The following MFSD1 variants were observed in gnomAD, a reference collection of about 807,000 sequenced individuals.
MFSD1 encodes the protein major facilitator superfamily domain containing 1, also known as lysosomal dipeptide transporter MFSD1.
Under a neutral mutation model 67.1 loss-of-function variants are expected in MFSD1, and 59 were observed. The ratio of observed to expected loss-of-function variants is 0.88; its 90% CI spans 0.71 to 1.09. The LOEUF is 1.09. MFSD1 is among the 50% of genes least tolerant of loss of function. The pLI is 0.00. For synonymous variants in MFSD1, 213 were observed against 200.3 expected (o/e 1.06, Z -0.54); for missense variants, 552 against 566.1 (o/e 0.97, Z 0.25).
intron 1 of MFSD1, among the ~76,000 whole-genome samples, chr3:158,803,295 G>T (rs1255566041): frequency 6.6e-6 from 1 of 152,048 alleles, no homozygotes; most frequent in East Asian, 1.9e-4. Context: ...CTATTCTAGC[G>T]CTGAACATAT....
chr3:158,811,687 G>T (rs114707848), intron 6 of MFSD1, among the ~76,000 whole-genome samples: 1 of 152,206 alleles, frequency 6.6e-6, no homozygotes, highest in Non-Finnish European at 1.5e-5. Flanking sequence ...TGTCAACTGC[G>T]TGAAATGCTA....
In MFSD1 at chr3:158,829,082, T is replaced by C; in HGVS notation, c.*100T>C. The stretch of plus-strand genomic sequence containing the variant: ...AGAGTTTAGTCATTAGAAAAAATAA[T>C]GGACTGGAAAGTTATATTTATATCC... On this transcript the variant is annotated 3_prime_UTR_variant, in exon 16 of 16. Coordinates refer to ENST00000415822, the MANE Select transcript of MFSD1 (RefSeq NM_022736.4). The C allele has an allele frequency of 8.6e-7, 1 of 1,163,756 alleles. No individual in the cohort carries two copies. Among genetic ancestry groups the C allele is most frequent in the East Asian group, 2.5e-5 (1 of 40,148 alleles). 72.1% of individuals were successfully genotyped at this position (1,163,756 alleles called of 1,614,324 possible).
In MFSD1 at chr3:158,802,494, A is replaced by G. The variant is rs1016967355; in HGVS notation, c.163+179A>G. 6 of 804,444 alleles carry G rather than the reference A, an allele frequency of 7.5e-6. No individual in the cohort carries two copies. In the Admixed American group the frequency reaches 1.2e-4, roughly 16 times the overall value. 49.8% of individuals were successfully genotyped at this position (804,444 alleles called of 1,614,324 possible). ...TCCAGCCACACCTGTGGATGTTGCTAGTTACTCCGCGTCCGGAACGTGGAG... is the reference window on the plus strand; with the variant it reads ...TCCAGCCACACCTGTGGATGTTGCTGGTTACTCCGCGTCCGGAACGTGGAG... On this transcript the variant is annotated intron_variant, in intron 1 of 15. Transcript: ENST00000415822.
At chr3:158,812,730 C>T (rs1730096878) in intron 6 of MFSD1, among the ~76,000 whole-genome samples, 1 of 152,174 alleles carries the variant, frequency 6.6e-6, no homozygotes, top group Non-Finnish European at 1.5e-5. Flanking sequence ...CACTTCTATA[C>T]TCAAACCCCA....
intron 7 of MFSD1, among the ~76,000 whole-genome samples, chr3:158,818,592 T>TAC (rs1730503054): frequency 6.6e-6 from 1 of 151,958 alleles, no homozygotes; most frequent in Non-Finnish European, 1.5e-5. Context: ...TATATATATA[T>TAC]TTTATTCCAC....
At chr3:158,826,952 CTG>C (rs1158706576) in intron 14 of MFSD1, among the ~76,000 whole-genome samples, 1 of 152,122 alleles carries the variant, frequency 6.6e-6, no homozygotes, top group African/African-American at 2.4e-5. Flanking sequence ...GCTACCACAC[CTG>C]TTCATTTCCT....
At chr3:158,805,939 G>T (rs115412020) in intron 3 of MFSD1, among the ~76,000 whole-genome samples, 2,037 of 152,288 alleles carry the variant, frequency 0.013, 27 homozygotes, top group Non-Finnish European at 0.02. Flanking sequence ...GCCCCGGTGA[G>T]ATTTTCTATT....
intron 7 of MFSD1, among the ~76,000 whole-genome samples, chr3:158,815,640 T>A (rs1180956764): frequency 6.6e-6 from 1 of 151,952 alleles, no homozygotes; most frequent in African/African-American, 2.4e-5. Context: ...AGTAGACTTT[T>A]TTTTTTCTTT....
chr3:158,803,907 C>T (rs1243816634), intron 1 of MFSD1, among the ~76,000 whole-genome samples: 3 of 152,120 alleles, frequency 2.0e-5, no homozygotes, highest in Non-Finnish European at 4.4e-5. Context: ...GGTTACACTC[C>T]ATTCCTTTGT....
rs771407711 is a variant in MFSD1 at position 158,819,631 on chromosome 3, T to C, written c.653-18T>C. 440 of 290,322 alleles carry C rather than the reference T, an allele frequency of 1.5e-3. 3 individuals are homozygous for C. The highest frequency in any genetic ancestry group is 0.012 in the South Asian group (221 of 18,812). The allele number at this position is 290,322 out of a possible 1,614,324, so 18.0% of individuals were successfully genotyped here. A position where few individuals can be genotyped will look rare whatever the true frequency, so the allele number is the denominator to read the frequency against. The stretch of plus-strand genomic sequence containing the variant: ...TCTTTTCAAAGTCTGTTTTTCTTTT[T>C]TTTTTTTTTTTATTTAGGGGGTATA... On this transcript the variant is annotated intron_variant, in intron 7 of 15. Coordinates refer to ENST00000415822, the MANE Select transcript of MFSD1 (RefSeq NM_022736.4).
chr3:158,811,831 A>G (rs1730039942), intron 6 of MFSD1, among the ~76,000 whole-genome samples: 1 of 152,270 alleles, frequency 6.6e-6, no homozygotes, highest in Non-Finnish European at 1.5e-5. Flanking sequence ...CAAATAAGCA[A>G]CAAGGTAAAC....
intron 7 of MFSD1, among the ~76,000 whole-genome samples, chr3:158,818,578 AAT>A (rs139053295): frequency 0.017 from 2,626 of 151,732 alleles, 60 homozygotes; most frequent in African/African-American, 0.06. Context: ...AGGTTTTTAA[AAT>A]ATATATATAT....
chr3:158,807,551 G>A (rs1729791698), intron 5 of MFSD1, 88 bp downstream of exon 5: 8 of 1,050,442 alleles, frequency 7.6e-6, no homozygotes, highest in Non-Finnish European at 1.2e-5. Context: ...TGTCTCTTCT[G>A]GGGAATTACT....
chr3:158,827,972 G>GACAGACAGAC (rs1227280697), intron 15 of MFSD1, among the ~76,000 whole-genome samples: 5 of 136,340 alleles, frequency 3.7e-5, no homozygotes, highest in Non-Finnish European at 7.9e-5. Flanking sequence ...GAGAGAGAGA[G>GACAGACAGAC]AGAGAGACAG....
chr3:158,805,857 A>G (rs1487107380), intron 3 of MFSD1, among the ~76,000 whole-genome samples: 1 of 152,172 alleles, frequency 6.6e-6, no homozygotes, highest in African/African-American at 2.4e-5. Context: ...CCTACCTTGC[A>G]AGGTGGTTAT....
At chr3:158,822,212 A>G (rs1329967441) in intron 11 of MFSD1, 72 bp downstream of exon 11, 2 of 1,456,368 alleles carry the variant, frequency 1.4e-6, no homozygotes, top group African/African-American at 1.4e-5. Context: ...CTAAGTAGGC[A>G]CGCTCAGCAA....
intron 7 of MFSD1, among the ~76,000 whole-genome samples, chr3:158,818,334 C>G (rs10936162): frequency 6.6e-6 from 1 of 151,964 alleles, no homozygotes; most frequent in African/African-American, 2.4e-5. Flanking sequence ...TCACCTCATG[C>G]GTCTATCACT....
At chr3:158,807,826 A>G (rs901499598) in intron 5 of MFSD1, among the ~76,000 whole-genome samples, 1 of 152,214 alleles carries the variant, frequency 6.6e-6, no homozygotes, top group African/African-American at 2.4e-5. Context: ...TTTCTTAGCA[A>G]GTGATGCGAG....
chr3:158,825,694 C>G (rs992819300), intron 13 of MFSD1, among the ~76,000 whole-genome samples: 3 of 152,092 alleles, frequency 2.0e-5, no homozygotes, highest in Non-Finnish European at 4.4e-5. Flanking sequence ...TTTGGTAAGT[C>G]CTGCAAAGGA....
Sources: gnomAD v4.1 joint callset for allele counts (sites outside exome capture counted in the v4.1 genomes callset) on GRCh38, gnomAD v4.1.1 for gene constraint, MANE v1.5 for transcripts, NCBI Gene and HGNC (gene_info 2026-07-23, HGNC 2026-07-21) for gene names.